The following ELOVL2 variants were observed in gnomAD, a reference collection of about 807,000 sequenced individuals.
ELOVL2 encodes ELOVL fatty acid elongase 2, also known as very long chain fatty acid elongase 2.
In ELOVL2, 38 loss-of-function variants were observed where a neutral mutation model predicts 37.7. That is an observed-to-expected ratio of 1.01 (90% confidence interval 0.78 to 1.32). The LOEUF is 1.32. ELOVL2 is among the 40% of genes most tolerant of loss of function. ELOVL2 has a pLI of 0.00. For missense variants in ELOVL2, 352 were observed against 363.6 expected (o/e 0.97, Z 0.26); for synonymous variants, 115 against 122.3 (o/e 0.94, Z 0.40).
At chr6:11,021,477 G>A (rs1782764667) in intron 1 of ELOVL2, among the ~76,000 whole-genome samples, 5 of 152,178 alleles carry the variant, frequency 3.3e-5, no homozygotes, top group African/African-American at 7.2e-5. Flanking sequence ...GGTTCAGAGG[G>A]GTGTCAGAAT....
intron 3 of ELOVL2, among the ~76,000 whole-genome samples, chr6:11,003,016 A>G (rs538133469): frequency 2.0e-5 from 3 of 152,360 alleles, no homozygotes; most frequent in Admixed American, 2.0e-4. Flanking sequence ...AATTACACAG[A>G]AAGTGACAGA....
rs200429161 is a variant in ELOVL2, at chr6:10,990,320, G to T, written c.628C>A (p.Leu210Met). 7 of 1,611,392 alleles carry T rather than the reference G, an allele frequency of 4.3e-6. No homozygotes were observed. Among genetic ancestry groups the T allele is most frequent in the Non-Finnish European group, 5.9e-6 (7 of 1,179,204 alleles). Residue 210 changes from leucine (L) to methionine (M), a missense_variant and splice_region_variant, in exon 6 of 8, where the codon CTG (leucine) becomes ATG (methionine). Leu to Met is a conservative substitution (Grantham distance 15, BLOSUM62 2). Coordinates refer to ENST00000354666, the MANE Select transcript of ELOVL2 (RefSeq NM_017770.4). ...WWKKYLTQAQ[L>M]VQFVLTITHT... ...AGCTAAAAGAAGGGACAACATACCA[G>T]CTGAGCCTGTGTGAGATATTTCTTC...
chr6:11,043,550 G>C (rs978627719), intron 1 of ELOVL2: 7 of 152,374 alleles, frequency 4.6e-5, no homozygotes, highest in South Asian at 2.1e-4. Context: ...CTGGGAAATC[G>C]GGCAGAGAGA....
intron 1 of ELOVL2, among the ~76,000 whole-genome samples, chr6:11,031,700 C>T (rs1782932266): frequency 6.6e-6 from 1 of 152,152 alleles, no homozygotes; most frequent in South Asian, 2.1e-4. Flanking sequence ...CTGATGTGGT[C>T]AAATGTCACT....
intron 1 of ELOVL2, among the ~76,000 whole-genome samples, chr6:11,014,506 A>C (rs946864827): frequency 6.7e-6 from 1 of 149,734 alleles, no homozygotes; most frequent in Non-Finnish European, 1.5e-5. Flanking sequence ...ACAACAACAA[A>C]AACTAAACTA....
intron 1 of ELOVL2, among the ~76,000 whole-genome samples, chr6:11,023,043 AAT>A (rs1303792474): frequency 1.1e-4 from 17 of 152,242 alleles, no homozygotes; most frequent in African/African-American, 3.9e-4. Context: ...TTCAATGCTG[AAT>A]ATGTCTGAAA....
intron 1 of ELOVL2, among the ~76,000 whole-genome samples, chr6:11,018,780 T>TA (rs777494431): frequency 6.6e-6 from 1 of 152,370 alleles, no homozygotes; most frequent in Non-Finnish European, 1.5e-5. Flanking sequence ...TACCAAGTCC[T>TA]TGCTTACTTT....
At chr6:11,014,855 G>A (rs1175944537) in intron 1 of ELOVL2, among the ~76,000 whole-genome samples, 2 of 152,098 alleles carry the variant, frequency 1.3e-5, no homozygotes, top group South Asian at 4.1e-4. Context: ...TTTTTACCTA[G>A]TTTATTTAAC....
At chr6:11,024,895 C>T (rs2113546706) in intron 1 of ELOVL2, among the ~76,000 whole-genome samples, 1 of 152,276 alleles carries the variant, frequency 6.6e-6, no homozygotes, top group East Asian at 1.9e-4. Flanking sequence ...TTGGATTTCC[C>T]ATGTATACAT....
At chr6:11,030,187 T>C (rs1216774402) in intron 1 of ELOVL2, among the ~76,000 whole-genome samples, 1 of 152,194 alleles carries the variant, frequency 6.6e-6, no homozygotes, top group Admixed American at 6.5e-5. Context: ...TGTCCTTTAG[T>C]TCTCTAAAAC....
At chr6:10,999,554 TTAG>T (rs1396388677) in intron 4 of ELOVL2, among the ~76,000 whole-genome samples, 1 of 152,104 alleles carries the variant, frequency 6.6e-6, no homozygotes, top group Non-Finnish European at 1.5e-5. Flanking sequence ...TTTTGTATTT[TTAG>T]TAGAGACGGG....
intron 1 of ELOVL2, among the ~76,000 whole-genome samples, chr6:11,027,644 C>T (rs1021532407): frequency 1.3e-5 from 2 of 152,164 alleles, no homozygotes; most frequent in African/African-American, 2.4e-5. Context: ...CACACGAGAG[C>T]CCTTCAGATA....
chr6:10,997,385 T>TTA (rs1782288636), intron 4 of ELOVL2, among the ~76,000 whole-genome samples: 2 of 152,190 alleles, frequency 1.3e-5, no homozygotes, highest in African/African-American at 4.8e-5. Flanking sequence ...GCCCAATCCA[T>TTA]GTTCAAATTT....
In ELOVL2 at chr6:11,004,416, CT is replaced by C. The variant is rs74352598; in HGVS notation, c.255+955del. On this transcript the variant is annotated intron_variant, in intron 3 of 7. Coordinates refer to ENST00000354666, the MANE Select transcript of ELOVL2 (RefSeq NM_017770.4). ...TTTTGTTTTTGTTCTCTTTGTCCCT[CT>C]TTTTTTTTTTTTTTCTACAGCAAGT... is the stretch of plus-strand genomic sequence containing the variant. Among the ~76,000 whole-genome samples, 670 of 141,960 alleles carry C rather than the reference CT, an allele frequency of 4.7e-3. 1 individual carries two copies. The highest frequency in any genetic ancestry group is 9.0e-3 in the East Asian group (44 of 4,880). The allele number at this position is 141,960 out of a possible 152,430, so 93.1% of individuals were successfully genotyped here. A position where few individuals can be genotyped will look rare whatever the true frequency, so the allele number is the denominator to read the frequency against.
At chr6:11,030,148 G>A (rs1294185869) in intron 1 of ELOVL2, among the ~76,000 whole-genome samples, 1 of 152,180 alleles carries the variant, frequency 6.6e-6, no homozygotes, top group Admixed American at 6.5e-5. Context: ...TGGTAAGAAT[G>A]ACAAACACAA....
At position 11,022,437 on chromosome 6, in the gene ELOVL2, G is replaced by A. The variant is rs191651127; in HGVS notation, c.4-11628C>T. On this transcript the variant is annotated intron_variant, in intron 1 of 7. Transcript: ENST00000354666. ...AGAAGAGGACTACCCCACAGATGGC[G>A]TGAAAAAGACAGACCAGAATCACTC... Among the ~76,000 whole-genome samples, 9 of 152,334 alleles carry A rather than the reference G, an allele frequency of 5.9e-5. No homozygotes were observed. In the East Asian group the frequency reaches 1.4e-3, roughly 23 times the overall value.
chr6:11,000,607 ATTAAAAACAGGG>A (rs200018219), intron 3 of ELOVL2, among the ~76,000 whole-genome samples: 2,579 of 152,320 alleles, frequency 0.017, 66 homozygotes, highest in African/African-American at 0.058. Context: ...TTTTACAGAT[ATTAAAAACAGGG>A]TTCAGTAAGG....
At chr6:11,022,715 A>C (rs1186626942) in intron 1 of ELOVL2, among the ~76,000 whole-genome samples, 10 of 152,210 alleles carry the variant, frequency 6.6e-5, no homozygotes, top group Non-Finnish European at 1.3e-4. Context: ...AAACATTTAA[A>C]ATATATTCAC....
intron 1 of ELOVL2, among the ~76,000 whole-genome samples, chr6:11,039,918 T>C (rs1012921998): frequency 7.2e-5 from 11 of 152,106 alleles, no homozygotes; most frequent in African/African-American, 2.7e-4. Flanking sequence ...ATGGAGAGAA[T>C]GTGGAGCCCA....
Sources: allele counts gnomAD v4.1 joint callset (sites outside exome capture counted in the v4.1 genomes callset), GRCh38; gene constraint gnomAD v4.1.1; transcripts MANE v1.5; gene names NCBI Gene and HGNC (gene_info 2026-07-23, HGNC 2026-07-21).